The following GNB5 variants were observed in gnomAD, a reference collection of about 807,000 sequenced individuals.
The protein encoded by GNB5 is guanine nucleotide-binding protein subunit beta-5.
A neutral mutation model predicts 55.3 loss-of-function variants in GNB5; 37 were observed. The observed-to-expected ratio is 0.67, with a 90% confidence interval of 0.51 to 0.88. The LOEUF (loss-of-function observed/expected upper bound fraction) is 0.88, where lower values mean the gene tolerates loss of function less well. Among genes scored for constraint, GNB5 ranks in the 40% least tolerant of loss-of-function variants. The pLI, the probability that GNB5 is intolerant of heterozygous loss-of-function variation, is 0.00. For missense variants in GNB5, 476 were observed against 515.3 expected, an observed-to-expected ratio of 0.92 and a Z score of 0.74; for synonymous variants, 219 against 198.5, an observed-to-expected ratio of 1.10 and a Z score of -0.87.
In GNB5 at chr15:52,116,725, A is replaced by G. The variant is rs1356314376; in HGVS notation, c.*6032T>C. ...CAAAAATGATCACAAAAGATTCTGC[A>G]AAAATTACAACCTTGCACATAGGCT... is the stretch of plus-strand genomic sequence containing the variant. On this transcript the variant is annotated 3_prime_UTR_variant, in exon 13 of 13. Transcript: ENST00000261837. The G allele has an allele frequency of 6.6e-6, 1 of 152,160 alleles. No individual in the cohort carries two copies. Among genetic ancestry groups the G allele is most frequent in the Non-Finnish European group, 1.5e-5 (1 of 68,026 alleles). The allele number at this position is 152,160 out of a possible 1,614,324, so 9.4% of individuals were successfully genotyped here.
At chr15:52,186,675 CATAAAG>C (rs2034851040) in intron 1 of GNB5, among the ~76,000 whole-genome samples, 1 of 152,132 alleles carries the variant, frequency 6.6e-6, no homozygotes, top group Non-Finnish European at 1.5e-5. Context: ...AACCCCTGAA[CATAAAG>C]ATAATTGGGG....
intron 3 of GNB5, among the ~76,000 whole-genome samples, chr15:52,172,257 C>T (rs1379351271): frequency 6.6e-6 from 1 of 152,064 alleles, no homozygotes; most frequent in Admixed American, 6.6e-5. Context: ...CCTCAGCCTC[C>T]CGAGTAGCTG....
chr15:52,119,174 G>C lies in GNB5; in HGVS notation c.*3583C>G, dbSNP rs1350166689. 2 of 140,520 alleles carry C rather than the reference G, an allele frequency of 1.4e-5. No individual in the cohort carries two copies. Among genetic ancestry groups the C allele is most frequent in the African/African-American group, 2.7e-5 (1 of 36,614 alleles). 8.7% of individuals were successfully genotyped at this position (140,520 alleles called of 1,614,324 possible). A position where few individuals can be genotyped will look rare whatever the true frequency, so the allele number is the denominator to read the frequency against. On this transcript the variant is annotated 3_prime_UTR_variant, in exon 13 of 13. Coordinates refer to ENST00000261837, the MANE Select transcript of GNB5 (RefSeq NM_016194.4). ...GGAACAGGGAGACAGAGGAAGAGGA[G>C]ATGAGGAATGGGGGAAGATTGAGAA...
intron 10 of GNB5, among the ~76,000 whole-genome samples, chr15:52,126,834 AC>A (rs2033443095): frequency 6.6e-6 from 1 of 152,148 alleles, no homozygotes; most frequent in African/African-American, 2.4e-5. Flanking sequence ...TTCGCTCGTC[AC>A]CCAGGCTGGA....
At chr15:52,180,363 G>A (rs916442331) in intron 2 of GNB5, 1 of 152,576 alleles carries the variant, frequency 6.6e-6, no homozygotes, top group Non-Finnish European at 1.5e-5. Flanking sequence ...CAGGCAGAGA[G>A]AGGACGGGAG....
chr15:52,182,157 G>T (rs1337351696), intron 2 of GNB5, among the ~76,000 whole-genome samples: 2 of 152,160 alleles, frequency 1.3e-5, no homozygotes, highest in Non-Finnish European at 2.9e-5. Flanking sequence ...TATGGCATTC[G>T]GAGAGAGCAG....
intron 3 of GNB5, among the ~76,000 whole-genome samples, chr15:52,168,811 G>C (rs540969178): frequency 6.6e-6 from 1 of 152,226 alleles, no homozygotes; most frequent in African/African-American, 2.4e-5. Flanking sequence ...TCAGAAATAA[G>C]ATTGCACACC....
In GNB5 at chr15:52,132,306, T is replaced by A. The variant is rs114625771; in HGVS notation, c.863+1072A>T. 2.8e-3 allele frequency among the ~76,000 whole-genome samples: 424 copies of A among 152,334 alleles called. 1 individual carries two copies. The highest frequency in any genetic ancestry group is 9.9e-3 in the African/African-American group (410 of 41,580). ...CCCAACTTGTTAACTTGTAGGTAGA[T>A]AAAATCTCAGATATTTCATAATTCT... is the stretch of plus-strand genomic sequence containing the variant. On this transcript the variant is annotated intron_variant, in intron 9 of 12. Transcript: ENST00000261837.
At chr15:52,147,741 C>G (rs1293794864) in intron 5 of GNB5, among the ~76,000 whole-genome samples, 1 of 152,118 alleles carries the variant, frequency 6.6e-6, no homozygotes, top group Admixed American at 6.5e-5. Context: ...CGCCACCATG[C>G]CAGGCTAATT....
At chr15:52,179,231 C>T (rs1349036425) in intron 3 of GNB5, among the ~76,000 whole-genome samples, 3 of 152,168 alleles carry the variant, frequency 2.0e-5, no homozygotes, top group Admixed American at 1.3e-4. Context: ...CTTCTCTCTC[C>T]GTCATCCAGC....
intron 11 of GNB5, chr15:52,125,673 A>G (rs1044541427): frequency 1.7e-5 from 5 of 293,946 alleles, no homozygotes; most frequent in African/African-American, 6.5e-5. Context: ...GCCTGAGAGC[A>G]TTGTGGAAGT....
intron 3 of GNB5, among the ~76,000 whole-genome samples, chr15:52,179,296 C>T (rs551550177): frequency 6.6e-6 from 1 of 152,214 alleles, no homozygotes; most frequent in East Asian, 1.9e-4. Context: ...AAATTGCAGT[C>T]TCATAAAAGC....
rs553964481 is a variant in GNB5 at position 52,131,473 on chromosome 15, T to C, written c.863+1905A>G. On this transcript the variant is annotated intron_variant, in intron 9 of 12. Transcript: ENST00000261837. The stretch of plus-strand genomic sequence containing the variant: ...TACTACATCATTTTATGTAGGATTC[T>C]GGTATCTGAGGGAGGTCCTGGAACC... 4.6e-5 allele frequency among the ~76,000 whole-genome samples: 7 copies of C among 152,344 alleles called. No homozygotes were observed. The South Asian group carries it at 1.2e-3, about 27-fold the overall frequency.
intron 3 of GNB5, among the ~76,000 whole-genome samples, chr15:52,157,536 G>A (rs12903769): frequency 0.15 from 23,143 of 152,084 alleles, 2,141 homozygotes; most frequent in Admixed American, 0.27. Flanking sequence ...GAGCCACCGC[G>A]CCCAGCCATA....
At chr15:52,174,876 G>A (rs2034621501) in intron 3 of GNB5, among the ~76,000 whole-genome samples, 1 of 152,076 alleles carries the variant, frequency 6.6e-6, no homozygotes, top group Non-Finnish European at 1.5e-5. Context: ...AAAGTCAGGA[G>A]TTCGAGACCA....
intron 4 of GNB5, 114 bp from the exon 5 acceptor site, chr15:52,150,039 G>A: frequency 2.6e-6 from 2 of 777,092 alleles, no homozygotes; most frequent in Non-Finnish European, 4.5e-6. Flanking sequence ...AAGCCAGAAT[G>A]AGGATCTGGA....
At chr15:52,126,889 A>G (rs1264143091) in intron 10 of GNB5, among the ~76,000 whole-genome samples, 2 of 152,062 alleles carry the variant, frequency 1.3e-5, no homozygotes, top group African/African-American at 2.4e-5. Flanking sequence ...CTGCCTCCCC[A>G]GGGTTCAAAC....
chr15:52,177,668 A>G (rs1389975048), intron 3 of GNB5, among the ~76,000 whole-genome samples: 1 of 151,332 alleles, frequency 6.6e-6, no homozygotes, highest in South Asian at 2.1e-4. Context: ...AAAAAAAAAG[A>G]AAAGAAAAGT....
At chr15:52,140,003 C>A in intron 7 of GNB5, 1 of 1,212,854 alleles carries the variant, frequency 8.2e-7, no homozygotes, top group Non-Finnish European at 1.1e-6. Context: ...GGCCACTGCA[C>A]CAGTCAGTGG....
Sources: allele counts gnomAD v4.1 joint callset (sites outside exome capture counted in the v4.1 genomes callset), GRCh38; gene constraint gnomAD v4.1.1; transcripts MANE v1.5; gene names NCBI Gene and HGNC (gene_info 2026-07-23, HGNC 2026-07-21).